Variants in ZFYVE21 observed in about 807,000 individuals in gnomAD.
ZFYVE21 encodes the protein zinc finger FYVE domain-containing protein 21.
A neutral mutation model predicts 29.5 loss-of-function variants in ZFYVE21; 21 were observed. The observed-to-expected ratio is 0.71, with a 90% CI of 0.50 to 1.02. The LOEUF (loss-of-function observed/expected upper bound fraction) is 1.02, where lower values mean the gene tolerates loss of function less well. ZFYVE21 is among the 50% of genes least tolerant of loss of function. The pLI is 0.00. For synonymous variants in ZFYVE21, 151 were observed against 133.8 expected, an observed-to-expected ratio of 1.13 and a Z score of -0.89; for missense variants, 326 against 335.4, an observed-to-expected ratio of 0.97 and a Z score of 0.22.
At position 103,721,205 on chromosome 14, in the gene ZFYVE21, C is replaced by T. The variant is rs142977059; in HGVS notation, c.138+5226C>T. Reference sequence around the variant, plus strand: ...TTATGGCATCTGCCTTGACCGCCTCCGAGCATGTCATCTGGCAGGGTGGGT... The same window carrying T: ...TTATGGCATCTGCCTTGACCGCCTCTGAGCATGTCATCTGGCAGGGTGGGT... On this transcript the variant is annotated intron_variant, in intron 1 of 6. Coordinates refer to ENST00000311141, the MANE Select transcript of ZFYVE21 (RefSeq NM_024071.4). 4.7e-3 allele frequency among the ~76,000 whole-genome samples: 715 copies of T among 152,264 alleles called. 4 individuals are homozygous for T. Among genetic ancestry groups the T allele is most frequent in the Non-Finnish European group, 7.9e-3 (537 of 68,008 alleles).
chr14:103,715,880 G>T lies in ZFYVE21; in HGVS notation c.39G>T (p.Lys13Asn). 7.0e-7 allele frequency: 1 copy of T among 1,435,294 alleles called. No individual in the cohort carries two copies. 88.9% of individuals were successfully genotyped at this position (1,435,294 alleles called of 1,614,324 possible). The stretch of plus-strand genomic sequence containing the variant: ...TGTCCGCGCGCCGCGACGCCAAGAA[G>T]CTGGTGCGCTCCCCGAGCGGCCTGC... ...SEVSARRDAK[K>N]LVRSPSGLRM... Residue 13 changes from lysine to asparagine, a missense_variant, in exon 1 of 7, where the codon AAG (lysine) becomes AAT (asparagine). Transcript: ENST00000311141.
chr14:103,732,749 T>C lies in ZFYVE21; in HGVS notation c.656T>C (p.Val219Ala), dbSNP rs781492595. 1 of 1,612,606 alleles carries C rather than the reference T, an allele frequency of 6.2e-7. No individual in the cohort carries two copies. The highest frequency in any genetic ancestry group is 1.1e-5 in the South Asian group (1 of 90,898). Residue 219 changes from valine (V) to alanine (A), a missense_variant, in exon 6 of 7, where the codon GTG becomes GCG. Val to Ala is a moderately conservative substitution (Grantham distance 64). Coordinates refer to ENST00000311141, the MANE Select transcript of ZFYVE21 (RefSeq NM_024071.4). ...VGRRQAVAWLVAMHKAAKLLY... is the reference protein window; with the variant it reads ...VGRRQAVAWLAAMHKAAKLLY... Reference sequence around the variant, plus strand: ...AGGAGGCAGGCGGTGGCGTGGCTAGTGGCCATGCACAAGGTACCTGAGCCC... The same window carrying C: ...AGGAGGCAGGCGGTGGCGTGGCTAGCGGCCATGCACAAGGTACCTGAGCCC...
intron 1 of ZFYVE21, among the ~76,000 whole-genome samples, chr14:103,722,956 G>T (rs77275237): frequency 6.6e-6 from 1 of 152,160 alleles, no homozygotes. Flanking sequence ...GCAGTGTGGT[G>T]TTATATTTAG....
chr14:103,727,540 A>G (rs1567070900), intron 2 of ZFYVE21: 1 of 717,014 alleles, frequency 1.4e-6, no homozygotes, highest in South Asian at 1.5e-5. Flanking sequence ...GATTTTGAAA[A>G]AAGGGCCTCA....
intron 1 of ZFYVE21, among the ~76,000 whole-genome samples, chr14:103,718,430 G>C (rs2083846017): frequency 6.6e-6 from 1 of 152,234 alleles, no homozygotes; most frequent in Non-Finnish European, 1.5e-5. Flanking sequence ...CCGAGAGGTG[G>C]CCTGCAGCTC....
At chr14:103,728,448 G>A (rs545412511) in intron 3 of ZFYVE21, among the ~76,000 whole-genome samples, 3 of 152,240 alleles carry the variant, frequency 2.0e-5, no homozygotes, top group African/African-American at 4.8e-5. Context: ...CTGCCTGCCC[G>A]CCGTGGGGTC....
At chr14:103,727,560 T>G in intron 2 of ZFYVE21, 186 bp from the exon 3 acceptor site, 1 of 754,234 alleles carries the variant, frequency 1.3e-6, no homozygotes, top group Non-Finnish European at 2.3e-6. Context: ...ATTTCCCAGG[T>G]GAGGCGGATC....
intron 1 of ZFYVE21, among the ~76,000 whole-genome samples, chr14:103,719,584 T>A (rs2083856602): frequency 6.6e-6 from 1 of 151,558 alleles, no homozygotes; most frequent in Non-Finnish European, 1.5e-5. Context: ...AAGGGGGGCA[T>A]CTGTGATCTC....
rs776836304 is a variant in ZFYVE21 at position 103,728,876 on chromosome 14, CCT to C, written c.359-31_359-30del. ...AGGGTTAGGTGGAAAAGAAGCAGGC[CCT>C]GTTCTCACGTTTGCTTTTGTGTTCC... On this transcript the variant is annotated intron_variant, in intron 3 of 6. Transcript: ENST00000311141. 1.5e-5 allele frequency: 24 copies of C among 1,611,606 alleles called. No individual in the cohort carries two copies. In the East Asian group the frequency reaches 5.4e-4, roughly 36 times the overall value.
chr14:103,716,674 A>G lies in ZFYVE21; in HGVS notation c.138+695A>G, dbSNP rs978326582. Among the ~76,000 whole-genome samples the G allele has an allele frequency of 6.6e-6, 1 of 152,204 alleles. No homozygotes were observed. ...GCACCCGTTTCCCATGGGCCCAGACACGGCAGGAGTTGCCCAGGCCACTCC... is the reference window on the plus strand; with the variant it reads ...GCACCCGTTTCCCATGGGCCCAGACGCGGCAGGAGTTGCCCAGGCCACTCC... On this transcript the variant is annotated intron_variant, in intron 1 of 6. Coordinates refer to ENST00000311141, the MANE Select transcript of ZFYVE21 (RefSeq NM_024071.4). The surrounding 1 kb of genome is among the most constrained non-coding windows in gnomAD (Gnocchi z 4.8).
At position 103,727,845 on chromosome 14, in the gene ZFYVE21, G is replaced by C; in HGVS notation, c.289G>C (p.Ala97Pro). Residue 97 changes from alanine (A) to proline (P), a missense_variant, in exon 3 of 7, where the codon GCG becomes CCG. Transcript: ENST00000311141. ...MCFVDPVRQC[A>P]ECALVSLKEA... The stretch of plus-strand genomic sequence containing the variant: ...CTTTGTGGACCCCGTGCGGCAGTGC[G>C]CGGAGTGCGCCCTCGTGTCCCTCAA... 4 of 1,613,210 alleles carry C rather than the reference G, an allele frequency of 2.5e-6. No homozygotes were observed. The highest frequency in any genetic ancestry group is 3.4e-6 in the Non-Finnish European group (4 of 1,179,906).
intron 1 of ZFYVE21, among the ~76,000 whole-genome samples, chr14:103,722,987 C>T (rs1007624309): frequency 2.6e-5 from 4 of 152,136 alleles, no homozygotes; most frequent in African/African-American, 9.7e-5. Flanking sequence ...TTCAGCTTGC[C>T]CAAACACAAA....
Position 103,727,766 on chromosome 14 carries a change from G to T in ZFYVE21, c.210G>T (p.Gly70=). 1 of 1,610,158 alleles carries T rather than the reference G, an allele frequency of 6.2e-7. No homozygotes were observed. Among genetic ancestry groups the T allele is most frequent in the Non-Finnish European group, 8.5e-7 (1 of 1,179,764 alleles). Reference sequence around the variant, plus strand: ...CCCAGCACCACTGTCGCCGCTGCGGGAAGTGCTTCTGCGACAGGTGCTGCA... The same window carrying T: ...CCCAGCACCACTGTCGCCGCTGCGGTAAGTGCTTCTGCGACAGGTGCTGCA... ...LTRKHHCRRC[G]KCFCDRCCSQ... Residue 70 remains glycine, a synonymous_variant, in exon 3 of 7, where the codon GGG becomes GGT. Coordinates refer to ENST00000311141, the MANE Select transcript of ZFYVE21 (RefSeq NM_024071.4).
In ZFYVE21 at chr14:103,716,036, C is replaced by T. The variant is rs2083802599; in HGVS notation, c.138+57C>T. The T allele has an allele frequency of 6.5e-5, 77 of 1,178,344 alleles. No homozygotes were observed. The South Asian group carries it at 2.9e-3, about 44-fold the overall frequency. The allele number at this position is 1,178,344 out of a possible 1,614,324, so 73.0% of individuals were successfully genotyped here. A position where few individuals can be genotyped will look rare whatever the true frequency, so the allele number is the denominator to read the frequency against. ...GACCCGCCCCGCCGCCCCGGCCCGG[C>T]CCCGCGGGCTTCCAGGCTCCCGCGA... On this transcript the variant is annotated intron_variant, in intron 1 of 6. Transcript: ENST00000311141. The surrounding 1 kb of genome is among the most constrained non-coding windows in gnomAD (Gnocchi z 4.8).
At chr14:103,727,652 G>A (rs2083940619) in intron 2 of ZFYVE21, 94 bp from the exon 3 acceptor site, 1 of 1,531,480 alleles carries the variant, frequency 6.5e-7, no homozygotes, top group East Asian at 2.3e-5. Context: ...TCGCGTTTAG[G>A]CGTGGCCCGG....
At chr14:103,728,585 G>A (rs1379159325) in intron 3 of ZFYVE21, among the ~76,000 whole-genome samples, 1 of 152,176 alleles carries the variant, frequency 6.6e-6, no homozygotes, top group African/African-American at 2.4e-5. Flanking sequence ...CTCTTAGGAC[G>A]TGTGAGCAGA....
intron 1 of ZFYVE21, among the ~76,000 whole-genome samples, chr14:103,724,147 T>C (rs946240648): frequency 2.6e-5 from 4 of 152,188 alleles, no homozygotes; most frequent in African/African-American, 9.6e-5. Flanking sequence ...TGCAGCCATG[T>C]CAGAGGCGCT....
chr14:103,726,948 G>GTTT (rs572377392), intron 2 of ZFYVE21, 106 bp downstream of exon 2: 123 of 660,888 alleles, frequency 1.9e-4, no homozygotes, highest in East Asian at 3.4e-4. Context: ...CTTATGGCTC[G>GTTT]TTTTTTTTTT....
rs1340721914 is a variant in ZFYVE21 at position 103,733,310 on chromosome 14, C to T, written c.*292C>T. 2 of 362,664 alleles carry T rather than the reference C, an allele frequency of 5.5e-6. No homozygotes were observed. Among genetic ancestry groups the T allele is most frequent in the Admixed American group, 8.5e-5 (2 of 23,542 alleles). 22.5% of individuals were successfully genotyped at this position (362,664 alleles called of 1,614,324 possible). ...TAAACTATTTTTAGCATAATATATA[C>T]CATTTTTATGAGTTCGCAGGTCTAC... On this transcript the variant is annotated 3_prime_UTR_variant, in exon 7 of 7. Coordinates refer to ENST00000311141, the MANE Select transcript of ZFYVE21 (RefSeq NM_024071.4).
Sources: allele counts gnomAD v4.1 joint callset (sites outside exome capture counted in the v4.1 genomes callset), GRCh38; gene constraint gnomAD v4.1.1; non-coding constraint Gnocchi (gnomAD v3.1); transcripts MANE v1.5; gene names NCBI Gene and HGNC (gene_info 2026-07-23, HGNC 2026-07-21).